Variants in CLEC3A observed in about 807,000 individuals in gnomAD.
CLEC3A encodes C-type (calcium dependent, carbohydrate-recognition domain) lectin, superfamily member 1 (cartilage-derived).
A neutral mutation model predicts 20.4 loss-of-function variants in CLEC3A; 28 were observed. The observed-to-expected ratio is 1.37, with a 90% CI of 1.02 to 1.88. The LOEUF (loss-of-function observed/expected upper bound fraction) is 1.88, where lower values mean the gene tolerates loss of function less well. CLEC3A is among the 40% of genes most tolerant of loss of function. CLEC3A has a pLI of 0.00. For synonymous variants in CLEC3A, 110 were observed against 88.1 expected (o/e 1.25, Z -1.39); for missense variants, 357 against 240.4 (o/e 1.48, Z -3.21).
chr16:78,029,063 T>A (rs1255033968), intron 2 of CLEC3A: 1 of 451,062 alleles, frequency 2.2e-6, no homozygotes, highest in South Asian at 1.6e-5. Context: ...AGAAATTCTT[T>A]ATAAACACAA....
chr16:78,029,535 A>T (rs1268198530), intron 2 of CLEC3A, among the ~76,000 whole-genome samples: 1 of 151,900 alleles, frequency 6.6e-6, no homozygotes, highest in Non-Finnish European at 1.5e-5. Context: ...CATCCAGCTA[A>T]TTTTTTGTAT....
chr16:78,030,721 G>A lies in CLEC3A; in HGVS notation c.474G>A (p.Gln158=), dbSNP rs1320462214. The part of the protein sequence containing the change: ...AISFLNWDRA[Q]PNGGKRENCV... The stretch of plus-strand genomic sequence containing the variant: ...CCTTCCTCAACTGGGACCGTGCACA[G>A]CCTAACGGTGGCAAGCGAGAAAACT... Residue 158 remains glutamine (Q), a synonymous_variant, in exon 3 of 3, where the codon CAG becomes CAA. Transcript: ENST00000299642. The A allele has an allele frequency of 6.2e-7, 1 of 1,614,152 alleles. No individual in the cohort carries two copies. The highest frequency in any genetic ancestry group is 2.2e-5 in the East Asian group (1 of 44,878).
At chr16:78,023,970 G>A (rs2018781175) in intron 1 of CLEC3A, among the ~76,000 whole-genome samples, 1 of 151,978 alleles carries the variant, frequency 6.6e-6, no homozygotes, top group African/African-American at 2.4e-5. Flanking sequence ...TGTTAGCCAG[G>A]ATGGTCTCGA....
In CLEC3A at chr16:78,030,574, C is replaced by A; in HGVS notation, c.327C>A (p.Asp109Glu). ...GGILVIPRNS[D>E]EINALQDYGK... ...TCCTGGTTATCCCCAGGAACTCCGA[C>A]GAAATCAACGCCCTCCAAGACTATG... Residue 109 changes from aspartate (D) to glutamate (E), a missense_variant, in exon 3 of 3, where the codon GAC becomes GAA. Physicochemically the swap from Asp to Glu is conservative, Grantham distance 45. Coordinates refer to ENST00000299642, the MANE Select transcript of CLEC3A (RefSeq NM_005752.6). 1.2e-6 allele frequency: 2 copies of A among 1,614,176 alleles called. No individual in the cohort carries two copies. The highest frequency in any genetic ancestry group is 1.7e-6 in the Non-Finnish European group (2 of 1,180,034).
Position 78,030,059 on chromosome 16 carries a change from G to A in CLEC3A, c.200-388G>A, listed in dbSNP as rs1031570376. ...TCCCAGCTACTCGGGAGCCTGAGAC[G>A]GGAGAATGGCGTGAATCCGGGAGGC... On this transcript the variant is annotated intron_variant, in intron 2 of 2. Coordinates refer to ENST00000299642, the MANE Select transcript of CLEC3A (RefSeq NM_005752.6). 1.2e-4 allele frequency among the ~76,000 whole-genome samples: 18 copies of A among 151,428 alleles called. 1 individual carries two copies. Among genetic ancestry groups the A allele is most frequent in the East Asian group, 5.9e-4 (3 of 5,110 alleles).
chr16:78,025,541 G>C lies in CLEC3A; in HGVS notation c.116-2566G>C, dbSNP rs552350598. On this transcript the variant is annotated intron_variant, in intron 1 of 2. Transcript: ENST00000299642. ...CCAACATCATATAATGGTTTTACTG[G>C]CCATGTCTTCTGGGAATGACTTTTG... Among the ~76,000 whole-genome samples, 332 of 152,224 alleles carry C rather than the reference G, an allele frequency of 2.2e-3. 1 individual carries two copies. The highest frequency in any genetic ancestry group is 7.5e-3 in the African/African-American group (310 of 41,526).
intron 1 of CLEC3A, among the ~76,000 whole-genome samples, chr16:78,025,630 C>A (rs972275675): frequency 6.6e-6 from 1 of 152,196 alleles, no homozygotes; most frequent in African/African-American, 2.4e-5. Context: ...TTCTGGGGGA[C>A]TCAAAATAGC....
rs370609700 is a variant in CLEC3A at position 78,030,435 on chromosome 16, A to G, written c.200-12A>G. On this transcript the variant is annotated splice_polypyrimidine_tract_variant and intron_variant, in intron 2 of 2. Coordinates refer to ENST00000299642, the MANE Select transcript of CLEC3A (RefSeq NM_005752.6). ...AATGCATCTTAATATGTTACACTTCACATCTTCACAGTCTGTCTCCGAGGC... is the reference window on the plus strand; with the variant it reads ...AATGCATCTTAATATGTTACACTTCGCATCTTCACAGTCTGTCTCCGAGGC... 4.7e-5 allele frequency: 75 copies of G among 1,579,320 alleles called. No homozygotes were observed. The highest frequency in any genetic ancestry group is 6.3e-5 in the Non-Finnish European group (73 of 1,162,050).
Position 78,030,728 on chromosome 16 carries a change from G to A in CLEC3A, c.481G>A (p.Gly161Ser), listed in dbSNP as rs762436240. ...CAACTGGGACCGTGCACAGCCTAAC[G>A]GTGGCAAGCGAGAAAACTGTGTCCT... ...FLNWDRAQPN[G>S]GKRENCVLFS... Residue 161 changes from glycine (G) to serine (S), a missense_variant, in exon 3 of 3, where the codon GGT becomes AGT. Physicochemically the swap from Gly to Ser is moderately conservative, Grantham distance 56. Coordinates refer to ENST00000299642, the MANE Select transcript of CLEC3A (RefSeq NM_005752.6). 1.2e-6 allele frequency: 2 copies of A among 1,614,074 alleles called. No homozygotes were observed. The highest frequency in any genetic ancestry group is 2.2e-5 in the East Asian group (1 of 44,874).
At chr16:78,024,912 T>G (rs550998985) in intron 1 of CLEC3A, among the ~76,000 whole-genome samples, 1 of 151,938 alleles carries the variant, frequency 6.6e-6, no homozygotes, top group African/African-American at 2.4e-5. Flanking sequence ...CTGCAACCTC[T>G]ACCCACCAGG....
chr16:78,026,056 GC>G (rs953454767), intron 1 of CLEC3A, among the ~76,000 whole-genome samples: 1 of 152,168 alleles, frequency 6.6e-6, no homozygotes, highest in African/African-American at 2.4e-5. Flanking sequence ...TGATGAATTT[GC>G]ATTCTGAATG....
At chr16:78,030,328 T>C in intron 2 of CLEC3A, 119 bp from the exon 3 acceptor site, 2 of 911,396 alleles carry the variant, frequency 2.2e-6, no homozygotes, top group Non-Finnish European at 3.3e-6. Flanking sequence ...AAATTTTAAC[T>C]GTTGTCTCAT....
At chr16:78,028,295 A>G (rs982086484) in intron 2 of CLEC3A, 105 bp downstream of exon 2, 2 of 710,280 alleles carry the variant, frequency 2.8e-6, no homozygotes, top group Non-Finnish European at 4.4e-6. Context: ...CAAATCAATA[A>G]TGTGGCCAAT....
chr16:78,028,495 T>A (rs1436902546), intron 2 of CLEC3A, among the ~76,000 whole-genome samples: 1 of 152,218 alleles, frequency 6.6e-6, no homozygotes, highest in African/African-American at 2.4e-5. Context: ...CTAAAATGAT[T>A]AGCATTTATT....
chr16:78,029,498 A>G (rs991794112), intron 2 of CLEC3A, among the ~76,000 whole-genome samples: 1 of 152,038 alleles, frequency 6.6e-6, no homozygotes, highest in Non-Finnish European at 1.5e-5. Flanking sequence ...CCTCCTGAGT[A>G]GCTGGGATTA....
At chr16:78,026,417 G>A (rs1192638335) in intron 1 of CLEC3A, among the ~76,000 whole-genome samples, 2 of 152,158 alleles carry the variant, frequency 1.3e-5, no homozygotes, top group East Asian at 3.9e-4. Context: ...GGGGCCATGT[G>A]CTCGGGACCA....
rs757988933 is a variant in CLEC3A, at chr16:78,028,101, C to A, written c.116-6C>A. 1.6e-5 allele frequency: 26 copies of A among 1,603,706 alleles called. No homozygotes were observed. The highest frequency in any genetic ancestry group is 1.1e-4 in the East Asian group (5 of 44,760). On this transcript the variant is annotated splice_region_variant and splice_polypyrimidine_tract_variant and intron_variant, in intron 1 of 2. Coordinates refer to ENST00000299642, the MANE Select transcript of CLEC3A (RefSeq NM_005752.6). ...CTACCCCATCCCACCCTAAAATTTT[C>A]CCCAGACAAGGATGGAGATCTGAAG... is the stretch of plus-strand genomic sequence containing the variant.
chr16:78,025,966 G>A (rs914179022), intron 1 of CLEC3A, among the ~76,000 whole-genome samples: 2 of 152,176 alleles, frequency 1.3e-5, no homozygotes, highest in South Asian at 2.1e-4. Context: ...AGAGGGATGG[G>A]GGATGACATT....
In CLEC3A at chr16:78,022,944, TA is replaced by T. The variant is rs200596444; in HGVS notation, c.115+212del. On this transcript the variant is annotated intron_variant, in intron 1 of 2. Transcript: ENST00000299642. ...TTAAAGAAACCAGGCTGCTGGGTTT[TA>T]AAAAAAAACAACAGGGAAAAAATTT... Among the ~76,000 whole-genome samples the T allele has an allele frequency of 1.9e-4, 29 of 151,234 alleles. No individual in the cohort carries two copies. The South Asian group carries it at 5.4e-3, about 28-fold the overall frequency.
Sources: gnomAD v4.1 joint callset for allele counts (sites outside exome capture counted in the v4.1 genomes callset) on GRCh38, gnomAD v4.1.1 for gene constraint, MANE v1.5 for transcripts, NCBI Gene and HGNC (gene_info 2026-07-23, HGNC 2026-07-21) for gene names.